Variants in GRAMD1C observed in about 807,000 individuals in gnomAD.
GRAMD1C encodes protein Aster-C.
In GRAMD1C, 89 loss-of-function variants were observed where a neutral mutation model predicts 97.8. That is an observed-to-expected ratio of 0.91 (90% confidence interval 0.77 to 1.09). The LOEUF is 1.09. Among genes scored for constraint, GRAMD1C ranks in the 50% least tolerant of loss-of-function variants. The pLI is 0.00. For synonymous variants in GRAMD1C, 256 were observed against 267.0 expected (o/e 0.96, Z 0.40); for missense variants, 740 against 766.4 (o/e 0.97, Z 0.41).
chr3:113,905,967 G>A (rs531601073), intron 8 of GRAMD1C, among the ~76,000 whole-genome samples: 1 of 152,282 alleles, frequency 6.6e-6, no homozygotes, highest in South Asian at 2.1e-4. Flanking sequence ...AAAGTGCTGG[G>A]ATTACAAGTG....
chr3:113,933,780 G>A (rs1937524398), intron 12 of GRAMD1C, 127 bp downstream of exon 12: 3 of 683,682 alleles, frequency 4.4e-6, no homozygotes, highest in Non-Finnish European at 7.3e-6. Flanking sequence ...TTTCCAACAG[G>A]GGTGAGCAGA....
intron 2 of GRAMD1C, among the ~76,000 whole-genome samples, chr3:113,863,446 T>C (rs1934473184): frequency 6.6e-6 from 1 of 152,102 alleles, no homozygotes; most frequent in Non-Finnish European, 1.5e-5. Flanking sequence ...AGAAAGTAGA[T>C]TAGTGTCGTT....
At chr3:113,855,328 A>C (rs1282625021) in intron 2 of GRAMD1C, among the ~76,000 whole-genome samples, 1 of 152,010 alleles carries the variant, frequency 6.6e-6, no homozygotes, top group African/African-American at 2.4e-5. Flanking sequence ...AAACAAAACA[A>C]AACAAAACGA....
At chr3:113,926,601 A>G (rs923839537) in intron 10 of GRAMD1C, among the ~76,000 whole-genome samples, 2 of 152,172 alleles carry the variant, frequency 1.3e-5, no homozygotes, top group African/African-American at 2.4e-5. Flanking sequence ...TTGAGTTGCT[A>G]GAGTTCTTGC....
rs1376383255 is a variant in GRAMD1C at position 113,901,156 on chromosome 3, A to G, written c.656+10A>G. The G allele has an allele frequency of 1.6e-6, 2 of 1,247,292 alleles. No homozygotes were observed. 77.3% of individuals were successfully genotyped at this position (1,247,292 alleles called of 1,614,324 possible). On this transcript the variant is annotated intron_variant, in intron 7 of 17. Transcript: ENST00000358160. ...AGGATGTGCAGCCAAGGTACAGCAA[A>G]ATGTTTTGAAATGTCAAAATTTATC...
intron 6 of GRAMD1C, among the ~76,000 whole-genome samples, chr3:113,899,457 T>TGGG (rs202120777): frequency 0.34 from 51,341 of 151,666 alleles, 9,427 homozygotes; most frequent in South Asian, 0.58. Context: ...TCTCTTCAAC[T>TGGG]ATATTAAAAG....
intron 2 of GRAMD1C, among the ~76,000 whole-genome samples, chr3:113,845,572 G>A (rs1386274101): frequency 6.6e-6 from 1 of 152,050 alleles, no homozygotes; most frequent in Non-Finnish European, 1.5e-5. Flanking sequence ...GGTGGCACAT[G>A]CCTACAGGCT....
At chr3:113,839,528 G>A (rs944154793) in intron 1 of GRAMD1C, among the ~76,000 whole-genome samples, 1 of 152,138 alleles carries the variant, frequency 6.6e-6, no homozygotes. Flanking sequence ...AGAGAACTGC[G>A]GTCAGTGCTA....
intron 15 of GRAMD1C, chr3:113,939,100 T>A (rs1180034815): frequency 6.6e-6 from 1 of 152,202 alleles, no homozygotes; most frequent in African/African-American, 2.4e-5. Context: ...CTTCAAAGAT[T>A]GGATTTTCTT....
intron 2 of GRAMD1C, among the ~76,000 whole-genome samples, chr3:113,853,664 C>T (rs1934001024): frequency 6.6e-6 from 1 of 152,232 alleles, no homozygotes; most frequent in Non-Finnish European, 1.5e-5. Flanking sequence ...GACAGCCTCT[C>T]TACCACCCTG....
intron 2 of GRAMD1C, among the ~76,000 whole-genome samples, chr3:113,865,727 T>C (rs1934558374): frequency 6.6e-6 from 1 of 152,206 alleles, no homozygotes. Flanking sequence ...CTCCTCACTG[T>C]ATTATCAGTC....
chr3:113,866,931 G>C (rs2465282), intron 2 of GRAMD1C, among the ~76,000 whole-genome samples: 149,585 of 152,176 alleles, frequency 0.98, 73,579 homozygotes, highest in East Asian at 1. Flanking sequence ...CGAGTTCAAG[G>C]GATTCTCCTG....
At chr3:113,943,786 CGCCT>C (rs1389930996) in intron 17 of GRAMD1C, among the ~76,000 whole-genome samples, 6 of 152,002 alleles carry the variant, frequency 3.9e-5, no homozygotes, top group Admixed American at 1.3e-4. Flanking sequence ...TGGTAGCAGG[CGCCT>C]GTAGTCCCAG....
At chr3:113,841,969 A>AGCC (rs1933344826) in intron 1 of GRAMD1C, among the ~76,000 whole-genome samples, 2 of 152,154 alleles carry the variant, frequency 1.3e-5, no homozygotes, top group African/African-American at 4.8e-5. Flanking sequence ...AAATGTTGGG[A>AGCC]TTATACGTGT....
At chr3:113,917,048 A>G (rs1203604377) in intron 10 of GRAMD1C, among the ~76,000 whole-genome samples, 4 of 152,008 alleles carry the variant, frequency 2.6e-5, no homozygotes, top group African/African-American at 9.7e-5. Context: ...AGGTGGGAGG[A>G]TCTCTTGAGC....
At chr3:113,896,794 A>G (rs541307560) in intron 6 of GRAMD1C, among the ~76,000 whole-genome samples, 2 of 152,256 alleles carry the variant, frequency 1.3e-5, no homozygotes, top group Non-Finnish European at 2.9e-5. Flanking sequence ...GTAGCCTTTG[A>G]TTTGTTTACA....
intron 11 of GRAMD1C, among the ~76,000 whole-genome samples, chr3:113,931,348 T>C (rs1937410882): frequency 6.6e-6 from 1 of 150,754 alleles, no homozygotes; most frequent in Admixed American, 6.7e-5. Context: ...ATTTCTTCTC[T>C]TTCATATATT....
intron 2 of GRAMD1C, among the ~76,000 whole-genome samples, chr3:113,852,481 A>C (rs1445068697): frequency 6.6e-6 from 1 of 152,242 alleles, no homozygotes; most frequent in African/African-American, 2.4e-5. Flanking sequence ...CACTTCTGGC[A>C]ATACAAGAAG....
chr3:113,877,030 T>C (rs1489496653), intron 5 of GRAMD1C, among the ~76,000 whole-genome samples: 3 of 152,186 alleles, frequency 2.0e-5, no homozygotes, highest in Non-Finnish European at 4.4e-5. Flanking sequence ...ACTCTTTTTT[T>C]AGAGACAGGG....
Sources: gnomAD v4.1 joint callset for allele counts (sites outside exome capture counted in the v4.1 genomes callset) on GRCh38, gnomAD v4.1.1 for gene constraint, MANE v1.5 for transcripts, NCBI Gene and HGNC (gene_info 2026-07-23, HGNC 2026-07-21) for gene names.